Variants in CDH23 observed in about 807,000 individuals in gnomAD.
The protein encoded by CDH23 is cadherin-23.
In CDH23, 189 loss-of-function variants were observed where a neutral mutation model predicts 317.1. The ratio of observed to expected loss-of-function variants is 0.60; its 90% CI spans 0.53 to 0.67. The LOEUF (loss-of-function observed/expected upper bound fraction) is 0.67, where lower values mean the gene tolerates loss of function less well. Among genes scored for constraint, CDH23 ranks in the 30% least tolerant of loss-of-function variants. The pLI, the probability that CDH23 is intolerant of heterozygous loss-of-function variation, is 0.00. For missense variants in CDH23, 4,401 were observed against 4,592.4 expected, an observed-to-expected ratio of 0.96 and a Z score of 1.20; for synonymous variants, 1,839 against 1,876.8, an observed-to-expected ratio of 0.98 and a Z score of 0.52.
intron 9 of CDH23, among the ~76,000 whole-genome samples, chr10:71,581,219 G>T (rs1006648835): frequency 1.3e-5 from 2 of 152,250 alleles, no homozygotes; most frequent in African/African-American, 4.8e-5. Context: ...CCCGGTAGGG[G>T]CCTGCCCCAG....
At chr10:71,761,070 T>C (rs1265458752) in intron 38 of CDH23, 1 of 762,278 alleles carries the variant, frequency 1.3e-6, no homozygotes, top group Admixed American at 2.1e-5. Context: ...CCTGCACACG[T>C]GTGCACCCAC....
chr10:71,789,872 A>T (rs4747190), intron 45 of CDH23, among the ~76,000 whole-genome samples: 146,780 of 152,256 alleles, frequency 0.96, 70,869 homozygotes, highest in African/African-American at 0.99. Flanking sequence ...TGCACACATG[A>T]GTGGGTTTTT....
intron 6 of CDH23, chr10:71,512,281 A>G (rs1447185770): frequency 6.6e-6 from 1 of 152,200 alleles, no homozygotes; most frequent in Admixed American, 6.5e-5. Flanking sequence ...CAACGGTCCT[A>G]TGCTGGCACC....
In CDH23 at chr10:71,761,813, A is replaced by C. The variant is rs1935939278; in HGVS notation, c.4846-15867A>C. ...GGCAGCCTGGTGGCCTCCATGGTGCAGGTGAAGGTCCTGGAACGTGAGGTT... is the reference window on the plus strand; with the variant it reads ...GGCAGCCTGGTGGCCTCCATGGTGCCGGTGAAGGTCCTGGAACGTGAGGTT... On this transcript the variant is annotated intron_variant, in intron 38 of 69. Coordinates refer to ENST00000224721, the MANE Select transcript of CDH23 (RefSeq NM_022124.6). 3.1e-6 allele frequency: 5 copies of C among 1,613,986 alleles called. No homozygotes were observed. In the African/African-American group the frequency reaches 4.0e-5, roughly 13 times the overall value.
chr10:71,736,738 C>G (rs1213341113), intron 34 of CDH23, among the ~76,000 whole-genome samples: 1 of 152,218 alleles, frequency 6.6e-6, no homozygotes, highest in Non-Finnish European at 1.5e-5. Context: ...AGGCACTAGG[C>G]TGGGTTCAGG....
chr10:71,540,171 G>C (rs1464657772), intron 6 of CDH23, among the ~76,000 whole-genome samples: 1 of 152,280 alleles, frequency 6.6e-6, no homozygotes, highest in East Asian at 1.9e-4. Context: ...CGGGGTAGGG[G>C]GATGGAGCTG....
intron 3 of CDH23, among the ~76,000 whole-genome samples, chr10:71,468,521 C>A (rs564048952): frequency 6.6e-6 from 1 of 152,208 alleles, no homozygotes; most frequent in Admixed American, 6.5e-5. Flanking sequence ...TCATCTCCCA[C>A]ACTTTCTAAG....
At chr10:71,663,956 G>A (rs1030833442) in intron 14 of CDH23, among the ~76,000 whole-genome samples, 5 of 151,320 alleles carry the variant, frequency 3.3e-5, no homozygotes, top group Non-Finnish European at 7.4e-5. Context: ...AACCAAGATC[G>A]TGCCACTGCA....
intron 38 of CDH23, among the ~76,000 whole-genome samples, chr10:71,768,347 T>A (rs2132905556): frequency 6.6e-6 from 1 of 152,196 alleles, no homozygotes; most frequent in Non-Finnish European, 1.5e-5. Context: ...ATTTTTGTAT[T>A]TTTAGTAGAG....
Position 71,695,545 on chromosome 10 carries a change from C to T in CDH23, c.2397+20C>T. On this transcript the variant is annotated intron_variant, in intron 22 of 69. Coordinates refer to ENST00000224721, the MANE Select transcript of CDH23 (RefSeq NM_022124.6). Reference sequence around the variant, plus strand: ...ACCACGGTAGGTGGTGGCAGAGCAGCAGAACTGCCAGGCGGCCCTTCCCAG... The same window carrying T: ...ACCACGGTAGGTGGTGGCAGAGCAGTAGAACTGCCAGGCGGCCCTTCCCAG... 6.4e-7 allele frequency: 1 copy of T among 1,559,998 alleles called. No individual in the cohort carries two copies. Among genetic ancestry groups the T allele is most frequent in the South Asian group, 1.1e-5 (1 of 90,146 alleles).
chr10:71,706,817 G>T, intron 25 of CDH23, 80 bp from the exon 26 acceptor site: 1 of 1,511,456 alleles, frequency 6.6e-7, no homozygotes, highest in South Asian at 1.3e-5. Context: ...TACTTGGTCT[G>T]GTGCTGGAGA....
At chr10:71,690,921 T>C (rs965831257) in intron 20 of CDH23, among the ~76,000 whole-genome samples, 6 of 152,252 alleles carry the variant, frequency 3.9e-5, no homozygotes, top group Non-Finnish European at 7.3e-5. Context: ...CCTCAGCTGC[T>C]GACCTCATTC....
intron 38 of CDH23, chr10:71,755,187 C>T: frequency 2.7e-6 from 2 of 727,584 alleles, no homozygotes; most frequent in Non-Finnish European, 4.8e-6. Context: ...GGCATGCCTC[C>T]TTTCTCTCGG....
At chr10:71,631,096 T>C (rs894888188) in intron 11 of CDH23, among the ~76,000 whole-genome samples, 1 of 152,028 alleles carries the variant, frequency 6.6e-6, no homozygotes, top group Non-Finnish European at 1.5e-5. Context: ...AAATTCAAAA[T>C]TAGCTAGGCA....
Position 71,724,128 on chromosome 10 carries a change from G to T in CDH23, c.3430+23G>T, listed in dbSNP as rs1238296415. ...ATGGTAAGTGGGGCTGCCCTAGGAT[G>T]GGGGGCGGTCCTCCTGCCCAGGGGA... On this transcript the variant is annotated intron_variant, in intron 29 of 69. Coordinates refer to ENST00000224721, the MANE Select transcript of CDH23 (RefSeq NM_022124.6). 5 of 1,552,490 alleles carry T rather than the reference G, an allele frequency of 3.2e-6. No homozygotes were observed. The African/African-American group carries it at 5.5e-5, about 17-fold the overall frequency.
chr10:71,567,315 C>T (rs1857466846), intron 7 of CDH23, among the ~76,000 whole-genome samples: 1 of 152,216 alleles, frequency 6.6e-6, no homozygotes. Flanking sequence ...CAGAGTGCCT[C>T]TTGCTCTCTG....
chr10:71,434,430 C>T (rs901890488), intron 1 of CDH23, among the ~76,000 whole-genome samples: 2 of 152,302 alleles, frequency 1.3e-5, no homozygotes, highest in Non-Finnish European at 2.9e-5. Flanking sequence ...GGCAGATGTG[C>T]GCAGTGTGGC....
chr10:71,478,309 G>C (rs192712357), intron 3 of CDH23, among the ~76,000 whole-genome samples: 2 of 152,112 alleles, frequency 1.3e-5, no homozygotes, highest in Non-Finnish European at 2.9e-5. Flanking sequence ...CTCCTGCTGT[G>C]CCTGGAGATT....
intron 69 of CDH23, among the ~76,000 whole-genome samples, chr10:71,813,803 G>A (rs1011890889): frequency 6.6e-6 from 1 of 152,126 alleles, no homozygotes; most frequent in South Asian, 2.1e-4. Flanking sequence ...AGCTACTCAG[G>A]GGGCTGAGGC....
Sources: gnomAD v4.1 joint callset for allele counts (sites outside exome capture counted in the v4.1 genomes callset) on GRCh38, gnomAD v4.1.1 for gene constraint, MANE v1.5 for transcripts, NCBI Gene and HGNC (gene_info 2026-07-23, HGNC 2026-07-21) for gene names.